The following TCF3 variants were observed in gnomAD, a reference collection of about 807,000 sequenced individuals.
TCF3 encodes the protein transcription factor 3.
TCF3 carries 54 observed loss-of-function variants against 72.3 expected under a neutral mutation model. The ratio of observed to expected loss-of-function variants is 0.75; its 90% CI spans 0.60 to 0.94. The LOEUF (loss-of-function observed/expected upper bound fraction) is 0.94, where lower values mean the gene tolerates loss of function less well. TCF3 is among the 40% of genes least tolerant of loss of function. The pLI is 0.00. For missense variants in TCF3, 1,078 were observed against 934.4 expected (o/e 1.15, Z -2.00); for synonymous variants, 525 against 412.6 (o/e 1.27, Z -3.30).
Position 1,635,142 on chromosome 19 carries a change from C to G in TCF3, c.146-2737G>C, listed in dbSNP as rs1487130886. Among the ~76,000 whole-genome samples the G allele has an allele frequency of 1.3e-5, 2 of 152,208 alleles. 1 individual carries two copies. Among genetic ancestry groups the G allele is most frequent in the Non-Finnish European group, 2.9e-5 (2 of 68,028 alleles). On this transcript the variant is annotated intron_variant, in intron 3 of 18. Transcript: ENST00000262965. ...GCCCCTGCCAAACCCTCAGGCACAC[C>G]ACCAGGTGGTCTGGCTTCAGATGGG...
intron 2 of TCF3, 128 bp downstream of exon 2, chr19:1,650,049 C>T (rs955440337): frequency 2.0e-5 from 19 of 938,182 alleles, no homozygotes; most frequent in African/African-American, 8.3e-5. Context: ...CCAGCCCCAC[C>T]GGGGCCTCCC....
At chr19:1,635,927 G>A (rs1471503630) in intron 3 of TCF3, among the ~76,000 whole-genome samples, 2 of 152,166 alleles carry the variant, frequency 1.3e-5, no homozygotes, top group East Asian at 3.9e-4. Context: ...CCGATACAGG[G>A]TCACTATGAC....
chr19:1,646,226 C>T, intron 3 of TCF3, 129 bp downstream of exon 3: 1 of 1,035,300 alleles, frequency 9.7e-7, no homozygotes, highest in Non-Finnish European at 1.4e-6. Flanking sequence ...TGCCCCCGAC[C>T]CGGCCTGTGT....
In TCF3 at chr19:1,650,171, G is replaced by T; in HGVS notation, c.72+6C>A. ...TGTCGGGGGCTGGGCGGGGGTCCTGGCTCACCATGCTGAAGTCCAGGAGGT... is the reference window on the plus strand; with the variant it reads ...TGTCGGGGGCTGGGCGGGGGTCCTGTCTCACCATGCTGAAGTCCAGGAGGT... On this transcript the variant is annotated splice_donor_region_variant and intron_variant, in intron 2 of 18. Transcript: ENST00000262965. 2 of 1,565,442 alleles carry T rather than the reference G, an allele frequency of 1.3e-6. No homozygotes were observed. The highest frequency in any genetic ancestry group is 2.3e-5 in the East Asian group (1 of 43,288).
chr19:1,611,946 G>A, intron 18 of TCF3, 97 bp from the exon 19 acceptor site: 1 of 422,674 alleles, frequency 2.4e-6, no homozygotes, highest in Admixed American at 3.7e-5. Context: ...GGGGGGTGGG[G>A]GCAGAGCCCC....
rs751254312 is a variant in TCF3, at chr19:1,619,114, T to C, written c.1447A>G (p.Ser483Gly). ...PDLSRPPDSYSGLGRAGATAA... is the reference protein window; with the variant it reads ...PDLSRPPDSYGGLGRAGATAA... The stretch of plus-strand genomic sequence containing the variant: ...AGTCCCAAGCTCAAGGGCTTACCAC[T>C]GTAGGAGTCGGGAGGCCGAGACAGG... Residue 483 changes from serine (S) to glycine (G), a missense_variant, in exon 16 of 19, where the codon AGT (serine) becomes GGT (glycine). Coordinates refer to ENST00000262965, the MANE Select transcript of TCF3 (RefSeq NM_003200.5). 10 of 1,599,298 alleles carry C rather than the reference T, an allele frequency of 6.3e-6. No individual in the cohort carries two copies. The Admixed American group carries it at 1.7e-4, about 27-fold the overall frequency.
intron 1 of TCF3, 63 bp from the exon 2 acceptor site, chr19:1,650,350 T>C (rs1319168258): frequency 5.5e-6 from 7 of 1,268,522 alleles, no homozygotes; most frequent in African/African-American, 1.5e-5. Context: ...GAGTTGTGAG[T>C]GGTCAAAGCA....
chr19:1,637,834 G>T (rs947766130), intron 3 of TCF3, among the ~76,000 whole-genome samples: 1 of 152,056 alleles, frequency 6.6e-6, no homozygotes, highest in African/African-American at 2.4e-5. Flanking sequence ...GCGCGAACCC[G>T]GGAGGCAGAG....
At chr19:1,622,998 G>A (rs1313804433) in intron 8 of TCF3, among the ~76,000 whole-genome samples, 1 of 152,200 alleles carries the variant, frequency 6.6e-6, no homozygotes, top group Admixed American at 6.5e-5. Context: ...ATAAACTGGG[G>A]GGCGGTTTCA....
chr19:1,626,226 G>A (rs540908983), intron 6 of TCF3, among the ~76,000 whole-genome samples: 5 of 152,096 alleles, frequency 3.3e-5, no homozygotes, highest in African/African-American at 7.2e-5. Flanking sequence ...TGAGGCGGGC[G>A]GATCACCTGA....
intron 3 of TCF3, 86 bp downstream of exon 3, chr19:1,646,269 C>T: frequency 9.3e-6 from 13 of 1,394,244 alleles, no homozygotes; most frequent in Non-Finnish European, 1.3e-5. Context: ...TCCTTTGCTG[C>T]CCCAGCCTCC....
rs2063835439 is a variant in TCF3 at position 1,632,530 on chromosome 19, A to G, written c.146-125T>C. 1.1e-5 allele frequency: 10 copies of G among 907,018 alleles called. No homozygotes were observed. The South Asian group carries it at 1.5e-4, about 13-fold the overall frequency. 56.2% of individuals were successfully genotyped at this position (907,018 alleles called of 1,614,324 possible). On this transcript the variant is annotated intron_variant, in intron 3 of 18. Coordinates refer to ENST00000262965, the MANE Select transcript of TCF3 (RefSeq NM_003200.5). ...GGGCTTGTGGAACCCTTCCTAACCC[A>G]GCCTCACCCAGCCCGACTCATGAGG...
At chr19:1,646,478 C>A in intron 2 of TCF3, 51 bp from the exon 3 acceptor site, 1 of 1,516,432 alleles carries the variant, frequency 6.6e-7, no homozygotes, top group South Asian at 1.2e-5. Flanking sequence ...AAACCAAACC[C>A]TACAGTCCCG....
chr19:1,624,403 A>ACAG lies in TCF3; in HGVS notation c.500-406_500-404dup, dbSNP rs551901319. Among the ~76,000 whole-genome samples the ACAG allele has an allele frequency of 2.6e-3, 399 of 152,234 alleles. 1 individual carries two copies. Among genetic ancestry groups the ACAG allele is most frequent in the African/African-American group, 8.9e-3 (369 of 41,532 alleles). The stretch of plus-strand genomic sequence containing the variant: ...GAGAAAGACTCCGTCTCAAAACACA[A>ACAG]CAGCAGCAGCAGCAACAACAACAAA... On this transcript the variant is annotated intron_variant, in intron 7 of 18. Transcript: ENST00000262965.
At chr19:1,629,571 G>A (rs927875257) in intron 5 of TCF3, among the ~76,000 whole-genome samples, 1 of 152,014 alleles carries the variant, frequency 6.6e-6, no homozygotes, top group East Asian at 1.9e-4. Context: ...CTACGGAGGA[G>A]GACAGCCTGC....
chr19:1,641,822 G>A (rs2145400869), intron 3 of TCF3, among the ~76,000 whole-genome samples: 1 of 151,952 alleles, frequency 6.6e-6, no homozygotes. Flanking sequence ...TGAACTCCTG[G>A]GCTCCGGCAA....
At chr19:1,650,061 T>A in intron 2 of TCF3, 116 bp downstream of exon 2, 1 of 1,076,232 alleles carries the variant, frequency 9.3e-7, no homozygotes, top group South Asian at 1.5e-5. Context: ...GGGCCTCCCA[T>A]CCAAACAGCT....
intron 5 of TCF3, among the ~76,000 whole-genome samples, chr19:1,631,586 G>A (rs760236869): frequency 3.3e-5 from 5 of 151,992 alleles, no homozygotes; most frequent in Admixed American, 1.3e-4. Context: ...CGATTCTCTC[G>A]GTTAACAGGA....
chr19:1,621,891 T>A lies in TCF3; in HGVS notation c.902A>T (p.Tyr301Phe), dbSNP rs886374381. 1.3e-6 allele frequency: 2 copies of A among 1,597,290 alleles called. No individual in the cohort carries two copies. The highest frequency in any genetic ancestry group is 8.5e-7 in the Non-Finnish European group (1 of 1,173,692). ...CGGCGTGTGGCTGGAGACGCCGCCG[T>A]ACGTGGCTCCGGGGGCTGAGGAGAA... ...SSFSSAPGAT[Y>F]GGVSSHTPPV... Residue 301 changes from tyrosine (Y) to phenylalanine (F), a missense_variant, in exon 11 of 19, where the codon TAC (tyrosine) becomes TTC (phenylalanine). Coordinates refer to ENST00000262965, the MANE Select transcript of TCF3 (RefSeq NM_003200.5).
Sources: gnomAD v4.1 joint callset for allele counts (sites outside exome capture counted in the v4.1 genomes callset) on GRCh38, gnomAD v4.1.1 for gene constraint, MANE v1.5 for transcripts, NCBI Gene and HGNC (gene_info 2026-07-23, HGNC 2026-07-21) for gene names.